Variants in CAST observed in about 807,000 individuals in gnomAD.
CAST encodes MIR583 host.
A neutral mutation model predicts 119.6 loss-of-function variants in CAST; 76 were observed. That is an observed-to-expected ratio of 0.64 (90% confidence interval 0.53 to 0.77). The LOEUF is 0.77. Among genes scored for constraint, CAST ranks in the 30% least tolerant of loss-of-function variants. The pLI is 0.00. For synonymous variants in CAST, 319 were observed against 331.6 expected, an observed-to-expected ratio of 0.96 and a Z score of 0.41; for missense variants, 953 against 946.5, an observed-to-expected ratio of 1.01 and a Z score of -0.09.
chr5:96,475,896 G>T, the CAST span, among the ~76,000 whole-genome samples: 11 of 152,160 alleles, frequency 7.2e-5, no homozygotes, highest in African/African-American at 2.7e-4. Flanking sequence ...GAGTAGACCA[G>T]CCATATCACA....
chr5:96,272,346 A>G, the CAST span, among the ~76,000 whole-genome samples: 2 of 152,188 alleles, frequency 1.3e-5, no homozygotes, highest in African/African-American at 2.4e-5. Flanking sequence ...ACGATAGCCA[A>G]AAGATCAAAT....
At chr5:96,176,792 G>C in the CAST span, among the ~76,000 whole-genome samples, 3 of 152,102 alleles carry the variant, frequency 2.0e-5, no homozygotes, top group African/African-American at 4.8e-5. Context: ...AATTAAATTA[G>C]TAGAGCAGTA....
intron 1 of CAST, among the ~76,000 whole-genome samples, chr5:96,602,325 G>C (rs1453961996): frequency 6.6e-6 from 1 of 152,176 alleles, no homozygotes; most frequent in East Asian, 1.9e-4. Flanking sequence ...CTATGTGCTG[G>C]TCACTGTGCC....
the CAST span, among the ~76,000 whole-genome samples, chr5:96,073,104 A>G: frequency 2.0e-5 from 3 of 152,250 alleles, no homozygotes; most frequent in Non-Finnish European, 4.4e-5. Context: ...AGTCTGACTC[A>G]AAGTCTGTTA....
chr5:96,278,359 C>G, the CAST span, among the ~76,000 whole-genome samples: 2 of 152,008 alleles, frequency 1.3e-5, no homozygotes, highest in African/African-American at 2.4e-5. Context: ...CAGGATGGTA[C>G]CTGCCAGCTA....
chr5:96,096,391 C>T, the CAST span, among the ~76,000 whole-genome samples: 1 of 152,168 alleles, frequency 6.6e-6, no homozygotes, highest in East Asian at 1.9e-4. Flanking sequence ...TTTAGAGAGA[C>T]TGGTCCCAGA....
the CAST span, among the ~76,000 whole-genome samples, chr5:96,189,275 G>C: frequency 1.3e-5 from 2 of 152,116 alleles, no homozygotes; most frequent in South Asian, 2.1e-4. Context: ...GATTTGGTGA[G>C]GGGGAGGGCT....
At chr5:96,032,628 C>T in the CAST span, among the ~76,000 whole-genome samples, 80 of 152,092 alleles carry the variant, frequency 5.3e-4, no homozygotes, top group Non-Finnish European at 5.4e-4. Context: ...CATTGTGCCA[C>T]GAAATACCAC....
chr5:96,722,485 C>T (rs1758464487), intron 3 of CAST, among the ~76,000 whole-genome samples, 154 bp from the exon 4 acceptor site: 1 of 152,184 alleles, frequency 6.6e-6, no homozygotes, highest in Non-Finnish European at 1.5e-5. Flanking sequence ...AAGGCTTTCA[C>T]TACTGGACAC....
chr5:96,293,434 C>A, the CAST span, among the ~76,000 whole-genome samples: 83,160 of 151,430 alleles, frequency 0.55, 23,557 homozygotes, highest in South Asian at 0.62. Flanking sequence ...CCCACCACCA[C>A]GCCCCGGCTA....
Position 96,617,790 on chromosome 5 carries a change from T to TAAA in CAST, c.61-57712_61-57710dup, listed in dbSNP as rs1162873931. 1.0e-3 allele frequency among the ~76,000 whole-genome samples: 23 copies of TAAA among 21,998 alleles called. 5 individuals are homozygous for TAAA. The highest frequency in any genetic ancestry group is 3.1e-3 in the East Asian group (2 of 638). The allele number at this position is 21,998 out of a possible 152,430, so 14.4% of individuals were successfully genotyped here. A position where few individuals can be genotyped will look rare whatever the true frequency, so the allele number is the denominator to read the frequency against. ...CTGGGCAACAGAGCAAAATTCCATC[T>TAAA]AAAAAAAAAAAAAAAAAAAAAAAAA... On this transcript the variant is annotated intron_variant, in intron 1 of 11. Coordinates refer to the CAST transcript ENST00000505143.
chr5:96,694,293 C>T (rs549400016), intron 2 of CAST, among the ~76,000 whole-genome samples: 88 of 152,190 alleles, frequency 5.8e-4, no homozygotes, highest in Non-Finnish European at 9.7e-4. Context: ...ATTTACAGTA[C>T]ATTATTCACA....
At chr5:96,545,887 C>G (rs572286924) in intron 1 of CAST, among the ~76,000 whole-genome samples, 17 of 152,296 alleles carry the variant, frequency 1.1e-4, no homozygotes, top group African/African-American at 4.1e-4. Context: ...ACCATCTGTG[C>G]CCATTCACTA....
chr5:96,239,369 G>A, the CAST span, among the ~76,000 whole-genome samples: 1 of 151,956 alleles, frequency 6.6e-6, no homozygotes, highest in East Asian at 1.9e-4. Flanking sequence ...TTGCTATTGA[G>A]ACTTATTTTT....
rs180784094 is a variant in CAST, at chr5:96,647,622, G to A, written c.61-27917G>A. ...TAAAATGAGGTCATTAAGGTGGGAC[G>A]TAATCCAATATGACAGATTTCCTTG... is the stretch of plus-strand genomic sequence containing the variant. On this transcript the variant is annotated intron_variant, in intron 1 of 11. Transcript: ENST00000505143. Among the ~76,000 whole-genome samples the A allele has an allele frequency of 1.7e-4, 26 of 152,256 alleles. No individual in the cohort carries two copies. In the East Asian group the frequency reaches 5.0e-3, roughly 29 times the overall value.
the CAST span, among the ~76,000 whole-genome samples, chr5:96,304,910 T>C: frequency 6.6e-6 from 1 of 152,222 alleles, no homozygotes; most frequent in Non-Finnish European, 1.5e-5. Flanking sequence ...TTCTTTTTGC[T>C]TCGGCTTTTC....
intron 9 of CAST, among the ~76,000 whole-genome samples, chr5:96,734,999 G>A (rs1761331595): frequency 6.6e-6 from 1 of 152,048 alleles, no homozygotes; most frequent in African/African-American, 2.4e-5. Context: ...GAAGGAAGAG[G>A]AAGGTGGGGG....
At chr5:96,068,511 C>T in the CAST span, among the ~76,000 whole-genome samples, 2 of 151,808 alleles carry the variant, frequency 1.3e-5, no homozygotes, top group Non-Finnish European at 2.9e-5. Flanking sequence ...TACTAAACAT[C>T]TGATATGGGA....
chr5:96,326,370 G>A, the CAST span, among the ~76,000 whole-genome samples: 6 of 152,132 alleles, frequency 3.9e-5, no homozygotes, highest in South Asian at 2.1e-4. Context: ...AAACTTTAGC[G>A]ATGTTGAACT....
Sources: gnomAD v4.1 joint callset for allele counts (sites outside exome capture counted in the v4.1 genomes callset) on GRCh38, gnomAD v4.1.1 for gene constraint, MANE v1.5 for transcripts, NCBI Gene and HGNC (gene_info 2026-07-23, HGNC 2026-07-21) for gene names.